CMTM8: variants seen among roughly 807,000 people sequenced by gnomAD.
CMTM8 encodes CKLF like MARVEL transmembrane domain containing 8, also known as CKLF-like MARVEL transmembrane domain-containing protein 8.
In CMTM8, 12 loss-of-function variants were observed where a neutral mutation model predicts 18.6. That is an observed-to-expected ratio of 0.65 (90% CI 0.41 to 1.05). The LOEUF is 1.05. CMTM8 is among the 50% of genes least tolerant of loss of function. CMTM8 has a pLI of 0.00. For synonymous variants in CMTM8, 87 were observed against 90.6 expected (o/e 0.96, Z 0.23); for missense variants, 217 against 227.2 (o/e 0.95, Z 0.29).
intron 1 of CMTM8, among the ~76,000 whole-genome samples, chr3:32,291,430 G>A (rs1345267608): frequency 2.0e-5 from 3 of 152,108 alleles, no homozygotes; most frequent in South Asian, 2.1e-4. Context: ...GTGAGCCACC[G>A]TGCCCAGCCG....
At chr3:32,294,992 T>C (rs1196467825) in intron 1 of CMTM8, among the ~76,000 whole-genome samples, 3 of 151,710 alleles carry the variant, frequency 2.0e-5, no homozygotes, top group African/African-American at 7.3e-5. Context: ...GAGGCGGAGG[T>C]TGTAGTGAGC....
rs1163701245 is a variant in CMTM8 at position 32,298,941 on chromosome 3, G to GTATA, written c.148-58420_148-58417dup. Among the ~76,000 whole-genome samples the GTATA allele has an allele frequency of 5.8e-4, 73 of 124,988 alleles. 1 individual carries two copies. The highest frequency in any genetic ancestry group is 8.2e-4 in the East Asian group (3 of 3,666). 82.0% of individuals were successfully genotyped at this position (124,988 alleles called of 152,430 possible). ...CACACACACATATATATATATATAT[G>GTATA]TATATATATATATATTTTTTTTTTT... On this transcript the variant is annotated intron_variant, in intron 1 of 3. Transcript: ENST00000307526.
At chr3:32,283,462 G>A (rs924997743) in intron 1 of CMTM8, among the ~76,000 whole-genome samples, 1 of 152,178 alleles carries the variant, frequency 6.6e-6, no homozygotes, top group African/African-American at 2.4e-5. Context: ...CGCATGTAAT[G>A]TGACCAGCAC....
In CMTM8 at chr3:32,333,633, A is replaced by C. The variant is rs77519892; in HGVS notation, c.148-23740A>C. ...TATTTCCATATTCACTTTTCCACCA[A>C]AAAAAAAAAAAAAAAAAGGAAAAGA... On this transcript the variant is annotated intron_variant, in intron 1 of 3. Transcript: ENST00000307526. Among the ~76,000 whole-genome samples the C allele has an allele frequency of 1.0e-4, 3 of 28,972 alleles. No individual in the cohort carries two copies. The East Asian group carries it at 5.7e-3, about 55-fold the overall frequency. 19.0% of individuals were successfully genotyped at this position (28,972 alleles called of 152,430 possible).
At chr3:32,367,765 A>C in intron 2 of CMTM8, 107 bp from the exon 3 acceptor site, 2 of 689,258 alleles carry the variant, frequency 2.9e-6, no homozygotes, top group Non-Finnish European at 5.1e-6. Context: ...ACAGGTGTCC[A>C]CTTGGGCCCC....
intron 1 of CMTM8, among the ~76,000 whole-genome samples, chr3:32,349,850 A>C (rs1696670707): frequency 6.6e-6 from 1 of 152,130 alleles, no homozygotes; most frequent in African/African-American, 2.4e-5. Flanking sequence ...TCTACTAAAA[A>C]TACAAAAATT....
intron 1 of CMTM8, among the ~76,000 whole-genome samples, chr3:32,282,391 G>T (rs60912937): frequency 0.029 from 4,358 of 152,092 alleles, 184 homozygotes; most frequent in African/African-American, 0.099. Flanking sequence ...ATTATGAGAT[G>T]ATCAGGGTTA....
chr3:32,355,639 A>T (rs1696802252), intron 1 of CMTM8, among the ~76,000 whole-genome samples: 1 of 152,184 alleles, frequency 6.6e-6, no homozygotes, highest in African/African-American at 2.4e-5. Flanking sequence ...TTATAAAAAA[A>T]TCTAGCCTAA....
intron 1 of CMTM8, among the ~76,000 whole-genome samples, chr3:32,285,645 T>G (rs1337139597): frequency 6.6e-6 from 1 of 152,210 alleles, no homozygotes. Flanking sequence ...AAGGTGCCAC[T>G]AATTAGATAA....
intron 1 of CMTM8, among the ~76,000 whole-genome samples, chr3:32,250,297 C>G (rs1559361390): frequency 1.3e-5 from 2 of 152,188 alleles, no homozygotes; most frequent in Non-Finnish European, 1.5e-5. Flanking sequence ...TTTTGAAATT[C>G]AAAATGCGAG....
intron 1 of CMTM8, among the ~76,000 whole-genome samples, chr3:32,330,217 T>G (rs1696245856): frequency 2.3e-5 from 2 of 86,468 alleles, no homozygotes; most frequent in South Asian, 3.9e-4. Context: ...TTTTTTTTTT[T>G]GCAGAAATAG....
intron 1 of CMTM8, among the ~76,000 whole-genome samples, chr3:32,344,467 C>T (rs1696556691): frequency 1.3e-5 from 2 of 152,208 alleles, no homozygotes; most frequent in Admixed American, 6.5e-5. Flanking sequence ...CAATAATACT[C>T]AGTAGGTATT....
intron 2 of CMTM8, among the ~76,000 whole-genome samples, chr3:32,361,286 G>GTTTTTTTTTTGTTTTTTTTTTGTT (rs58364646): frequency 2.3e-5 from 2 of 87,226 alleles, no homozygotes; most frequent in African/African-American, 8.0e-5. Context: ...CAGCCTAAGA[G>GTTTTTTTTTTGTTTTTTTTTTGTT]TTTTTTTTTC....
At position 32,258,750 on chromosome 3, in the gene CMTM8, A is replaced by G. The variant is rs549235185; in HGVS notation, c.147+19631A>G. Among the ~76,000 whole-genome samples, 7 of 152,266 alleles carry G rather than the reference A, an allele frequency of 4.6e-5. No homozygotes were observed. In the East Asian group the frequency reaches 5.8e-4, roughly 13 times the overall value. On this transcript the variant is annotated intron_variant, in intron 1 of 3. Coordinates refer to ENST00000307526, the MANE Select transcript of CMTM8 (RefSeq NM_178868.5). The stretch of plus-strand genomic sequence containing the variant: ...ATTCTCAAACTTCCGGGCTCAAGCA[A>G]TCCTCCTGCTTTGGCCTCCCAAAGA...
chr3:32,303,075 A>G (rs1695652294), intron 1 of CMTM8, among the ~76,000 whole-genome samples: 1 of 152,214 alleles, frequency 6.6e-6, no homozygotes, highest in African/African-American at 2.4e-5. Flanking sequence ...TTTGATCACT[A>G]TTACATAAAC....
chr3:32,315,944 G>A (rs1408726400), intron 1 of CMTM8, among the ~76,000 whole-genome samples: 1 of 148,184 alleles, frequency 6.7e-6, no homozygotes, highest in East Asian at 2.0e-4. Context: ...GAAATAACTA[G>A]ACATCCTCTG....
intron 1 of CMTM8, among the ~76,000 whole-genome samples, chr3:32,293,064 T>C (rs1198223201): frequency 1.5e-5 from 2 of 132,448 alleles, no homozygotes; most frequent in African/African-American, 5.6e-5. Context: ...ATGATGTGTG[T>C]ATATATGTGT....
intron 1 of CMTM8, among the ~76,000 whole-genome samples, chr3:32,251,487 G>T (rs1278996203): frequency 1.9e-5 from 1 of 52,582 alleles, no homozygotes; most frequent in African/African-American, 8.3e-5. Context: ...CTAATTTTTT[G>T]TATTTTTGGT....
At chr3:32,274,327 C>G (rs1702483871) in intron 1 of CMTM8, among the ~76,000 whole-genome samples, 1 of 151,938 alleles carries the variant, frequency 6.6e-6, no homozygotes, top group East Asian at 1.9e-4. Flanking sequence ...TCATGTTTTA[C>G]CCATACTTGT....
Sources: gnomAD v4.1 joint callset for allele counts (sites outside exome capture counted in the v4.1 genomes callset) on GRCh38, gnomAD v4.1.1 for gene constraint, MANE v1.5 for transcripts, NCBI Gene and HGNC (gene_info 2026-07-23, HGNC 2026-07-21) for gene names.